EXOC6B: variants seen among roughly 807,000 people sequenced by gnomAD.
The protein encoded by EXOC6B is exocyst complex component 6B, also known as SEC15 homolog B.
In EXOC6B, 54 loss-of-function variants were observed where a neutral mutation model predicts 113.5. The observed-to-expected ratio is 0.48, with a 90% CI of 0.38 to 0.60. The LOEUF (loss-of-function observed/expected upper bound fraction) is 0.60, where lower values mean the gene tolerates loss of function less well. Among genes scored for constraint, EXOC6B ranks in the 20% least tolerant of loss-of-function variants. The pLI, the probability that EXOC6B is intolerant of heterozygous loss-of-function variation, is 0.00. For missense variants in EXOC6B, 797 were observed against 977.5 expected (o/e 0.82, Z 2.46); for synonymous variants, 357 against 339.0 (o/e 1.05, Z -0.58).
intron 8 of EXOC6B, among the ~76,000 whole-genome samples, chr2:72,525,995 C>T (rs1018761777): frequency 1.3e-5 from 2 of 152,066 alleles, no homozygotes; most frequent in African/African-American, 4.8e-5. Context: ...TGGTAGTTTT[C>T]TAAAGTTATT....
At chr2:72,357,827 C>T (rs1441250344) in intron 19 of EXOC6B, among the ~76,000 whole-genome samples, 3 of 152,132 alleles carry the variant, frequency 2.0e-5, no homozygotes, top group East Asian at 3.8e-4. Context: ...GTTACAACTG[C>T]CTATGGTATC....
chr2:72,500,033 T>C, intron 11 of EXOC6B, 61 bp from the exon 12 acceptor site: 1 of 1,108,584 alleles, frequency 9.0e-7, no homozygotes, highest in East Asian at 2.6e-5. Flanking sequence ...CAATTAAATT[T>C]TTATTTATTT....
Position 72,790,274 on chromosome 2 carries a change from C to A in EXOC6B, c.113+35524G>T, listed in dbSNP as rs191076074. Among the ~76,000 whole-genome samples, 706 of 152,162 alleles carry A rather than the reference C, an allele frequency of 4.6e-3. 2 individuals carry two copies. The highest frequency in any genetic ancestry group is 8.1e-3 in the Non-Finnish European group (554 of 67,986). ...AAAATACTGAATACAATCACATAAA[C>A]CTATGAAAATTAAAATAGTAATATA... On this transcript the variant is annotated intron_variant, in intron 1 of 21. Transcript: ENST00000272427.
intron 8 of EXOC6B, among the ~76,000 whole-genome samples, chr2:72,537,059 G>A (rs774246451): frequency 3.3e-5 from 5 of 152,076 alleles, no homozygotes; most frequent in Admixed American, 1.3e-4. Flanking sequence ...TATAATTAAC[G>A]TAGAGAAATG....
chr2:72,419,058 C>T (rs1174048137), intron 18 of EXOC6B, among the ~76,000 whole-genome samples: 1 of 151,842 alleles, frequency 6.6e-6, no homozygotes, highest in East Asian at 1.9e-4. Context: ...GAATTTATAC[C>T]AGCTTAACTT....
chr2:72,432,008 G>T (rs1452774140), intron 18 of EXOC6B, among the ~76,000 whole-genome samples: 1 of 151,926 alleles, frequency 6.6e-6, no homozygotes, highest in Non-Finnish European at 1.5e-5. Context: ...GTATTACATG[G>T]TGTATATGTG....
chr2:72,548,951 G>T (rs1377903992), intron 8 of EXOC6B, among the ~76,000 whole-genome samples: 1 of 152,118 alleles, frequency 6.6e-6, no homozygotes, highest in Non-Finnish European at 1.5e-5. Flanking sequence ...GGCGGAGCTT[G>T]CAGTGAGCCA....
At chr2:72,538,071 C>T (rs555988441) in intron 8 of EXOC6B, among the ~76,000 whole-genome samples, 1 of 151,916 alleles carries the variant, frequency 6.6e-6, no homozygotes, top group Admixed American at 6.6e-5. Flanking sequence ...AATCCTCCCA[C>T]CTCACCTCCC....
chr2:72,620,496 TAATTTTAAATTTA>T (rs915138519), intron 6 of EXOC6B, among the ~76,000 whole-genome samples: 13 of 151,494 alleles, frequency 8.6e-5, no homozygotes, highest in African/African-American at 2.7e-4. Context: ...GAAATTTAAA[TAATTTTAAATTTA>T]AATTTTAAAT....
At chr2:72,419,179 A>G (rs748117185) in intron 18 of EXOC6B, among the ~76,000 whole-genome samples, 19 of 152,218 alleles carry the variant, frequency 1.2e-4, no homozygotes, top group Non-Finnish European at 2.5e-4. Flanking sequence ...AACTAGATGA[A>G]TAATTATTTT....
At chr2:72,510,026 G>A (rs1307797398) in intron 11 of EXOC6B, among the ~76,000 whole-genome samples, 3 of 152,034 alleles carry the variant, frequency 2.0e-5, no homozygotes, top group Non-Finnish European at 4.4e-5. Context: ...TAGAGACGGG[G>A]TTTCACCATG....
At chr2:72,510,013 T>C (rs1553430898) in intron 11 of EXOC6B, among the ~76,000 whole-genome samples, 1 of 152,138 alleles carries the variant, frequency 6.6e-6, no homozygotes, top group Non-Finnish European at 1.5e-5. Context: ...TTTGTGTTTT[T>C]AGTAGAGACG....
intron 20 of EXOC6B, among the ~76,000 whole-genome samples, chr2:72,315,599 G>T (rs373169538): frequency 7.0e-4 from 106 of 152,250 alleles, no homozygotes; most frequent in African/African-American, 2.4e-3. Flanking sequence ...GAAGAGAAAT[G>T]ATAGTTAAAA....
chr2:72,466,344 CAAAA>C (rs551509210), intron 17 of EXOC6B, among the ~76,000 whole-genome samples: 1 of 82,302 alleles, frequency 1.2e-5, no homozygotes. Context: ...GACTCCACCT[CAAAA>C]AAAAAAAAAA....
intron 19 of EXOC6B, among the ~76,000 whole-genome samples, chr2:72,361,520 A>G (rs1200567365): frequency 6.6e-6 from 1 of 152,158 alleles, no homozygotes; most frequent in Non-Finnish European, 1.5e-5. Context: ...CTCGGACCAA[A>G]GGTGGATAAT....
intron 18 of EXOC6B, among the ~76,000 whole-genome samples, chr2:72,448,669 T>G (rs953875900): frequency 1.3e-5 from 2 of 152,200 alleles, no homozygotes; most frequent in Non-Finnish European, 2.9e-5. Context: ...AAAATGATTA[T>G]ATTTTGTACT....
intron 6 of EXOC6B, among the ~76,000 whole-genome samples, chr2:72,676,302 C>A (rs1031862442): frequency 2.0e-5 from 3 of 152,164 alleles, no homozygotes; most frequent in African/African-American, 7.2e-5. Flanking sequence ...TCAAACACTA[C>A]AAAGCATCTG....
chr2:72,182,752 C>T (rs944609918), intron 21 of EXOC6B: 2 of 508,812 alleles, frequency 3.9e-6, no homozygotes, highest in African/African-American at 2.0e-5. Flanking sequence ...CAGTTGGCAC[C>T]AGGCTGGTTT....
intron 21 of EXOC6B, among the ~76,000 whole-genome samples, chr2:72,181,483 A>G (rs1481341170): frequency 3.3e-5 from 5 of 152,250 alleles, no homozygotes; most frequent in Admixed American, 2.0e-4. Flanking sequence ...AGTTCCAAAG[A>G]AAGATTCCCT....
Sources: gnomAD v4.1 joint callset for allele counts (sites outside exome capture counted in the v4.1 genomes callset) on GRCh38, gnomAD v4.1.1 for gene constraint, MANE v1.5 for transcripts, NCBI Gene and HGNC (gene_info 2026-07-23, HGNC 2026-07-21) for gene names.